CYLD: variants seen among roughly 807,000 people sequenced by gnomAD.
CYLD encodes CYLD lysine 63 deubiquitinase.
CYLD carries 26 observed loss-of-function variants against 104.5 expected under a neutral mutation model. The observed-to-expected ratio is 0.25, with a 90% CI of 0.18 to 0.35. The LOEUF (loss-of-function observed/expected upper bound fraction) is 0.35, where lower values mean the gene tolerates loss of function less well. Ranked by LOEUF, CYLD falls within the 10% of genes least tolerant of loss-of-function variation. The pLI is 1.00. For missense variants in CYLD, 703 were observed against 1,136.1 expected (o/e 0.62, Z 5.48); for synonymous variants, 385 against 399.9 (o/e 0.96, Z 0.45).
At chr16:50,773,798 G>T (rs1290324914) in intron 5 of CYLD, among the ~76,000 whole-genome samples, 3 of 152,168 alleles carry the variant, frequency 2.0e-5, no homozygotes, top group Non-Finnish European at 4.4e-5. Flanking sequence ...TATTTGGTGT[G>T]TAATTGCTGG....
At position 50,797,248 on chromosome 16, in the gene CYLD, T is replaced by G. The variant is rs1230109143; in HGVS notation, c.*740T>G. The G allele has an allele frequency of 4.3e-6, 1 of 232,574 alleles. No homozygotes were observed. The highest frequency in any genetic ancestry group is 8.5e-6 in the Non-Finnish European group (1 of 117,598). 14.4% of individuals were successfully genotyped at this position (232,574 alleles called of 1,614,324 possible). A position where few individuals can be genotyped will look rare whatever the true frequency, so the allele number is the denominator to read the frequency against. On this transcript the variant is annotated 3_prime_UTR_variant, in exon 19 of 19. Transcript: ENST00000427738. ...TAGTAGTTACTGTCAGCTAACAGGT[T>G]TTTTAAGGCTTTTAACTATTAATAT...
intron 18 of CYLD, among the ~76,000 whole-genome samples, chr16:50,795,915 T>C (rs1231762697): frequency 6.6e-6 from 1 of 151,930 alleles, no homozygotes; most frequent in Non-Finnish European, 1.5e-5. Flanking sequence ...TGTAGGGAGC[T>C]ATAATAGCGT....
chr16:50,754,221 CAATGTA>C, intron 4 of CYLD, 92 bp from the exon 5 acceptor site: 1 of 790,384 alleles, frequency 1.3e-6, no homozygotes, highest in South Asian at 1.5e-5. Flanking sequence ...TAACATTTAC[CAATGTA>C]AAATATTTTG....
intron 5 of CYLD, among the ~76,000 whole-genome samples, chr16:50,765,126 G>A (rs965658102): frequency 3.3e-5 from 5 of 151,952 alleles, no homozygotes; most frequent in African/African-American, 1.2e-4. Flanking sequence ...TTTCTTTATT[G>A]TGCTTCACAG....
At chr16:50,765,054 G>C (rs1428908630) in intron 5 of CYLD, among the ~76,000 whole-genome samples, 1 of 152,146 alleles carries the variant, frequency 6.6e-6, no homozygotes, top group Non-Finnish European at 1.5e-5. Flanking sequence ...GAGTAACATG[G>C]CTAAATGTAA....
intron 11 of CYLD, chr16:50,783,950 G>T: frequency 3.6e-6 from 1 of 280,094 alleles, no homozygotes; most frequent in South Asian, 3.7e-5. Context: ...GCTTGCCTCG[G>T]GAAGTCGTTT....
intron 12 of CYLD, 41 bp downstream of exon 12, chr16:50,784,492 T>C (rs759692176): frequency 6.2e-7 from 1 of 1,602,092 alleles, no homozygotes; most frequent in South Asian, 1.1e-5. Flanking sequence ...TTACATGGTG[T>C]TCTATTTGCT....
chr16:50,749,911 A>T lies in CYLD; in HGVS notation c.213A>T (p.Gly71=). ...CAAAAGGCAAGAAAAATCAGATTGG[A>T]TTAAAAATTCTAGAGCAACCTCATG... ...PSAKGKKNQI[G]LKILEQPHAV... The change falls in exon 3 of 19, where the codon GGA becomes GGT. Residue 71 remains glycine, a synonymous_variant. Transcript: ENST00000427738. 1.2e-6 allele frequency: 2 copies of T among 1,614,174 alleles called. No homozygotes were observed. Among genetic ancestry groups the T allele is most frequent in the Non-Finnish European group, 1.7e-6 (2 of 1,180,024 alleles).
intron 7 of CYLD, among the ~76,000 whole-genome samples, chr16:50,777,332 C>T (rs1482983292): frequency 6.6e-6 from 1 of 152,088 alleles, no homozygotes; most frequent in Non-Finnish European, 1.5e-5. Flanking sequence ...TTTTCAAAGA[C>T]ACAAGGAATT....
chr16:50,793,115 TACACAC>T (rs3064638), intron 16 of CYLD, among the ~76,000 whole-genome samples: 10,903 of 145,112 alleles, frequency 0.075, 773 homozygotes, highest in African/African-American at 0.19. Context: ...AGGAGCCATA[TACACAC>T]ACACACACAC....
intron 12 of CYLD, 65 bp downstream of exon 12, chr16:50,784,516 G>A (rs779874762): frequency 7.7e-5 from 117 of 1,515,920 alleles, no homozygotes; most frequent in Non-Finnish European, 1.0e-4. Flanking sequence ...TTCTGGTATA[G>A]TAATTAATTT....
chr16:50,777,518 G>C (rs1969807714), intron 7 of CYLD, among the ~76,000 whole-genome samples: 1 of 152,120 alleles, frequency 6.6e-6, no homozygotes, highest in Non-Finnish European at 1.5e-5. Flanking sequence ...TTAGAAATAA[G>C]CTGTGGTACA....
At position 50,777,834 on chromosome 16, in the gene CYLD, C is replaced by T. The variant is rs749160760; in HGVS notation, c.1031C>T (p.Ser344Leu). Residue 344 changes from serine (S) to leucine (L), a missense_variant, in exon 8 of 19, where the codon TCA (serine) becomes TTA (leucine). By Grantham distance (145) the Ser-to-Leu change is moderately radical. Around this residue, in one of 5 missense-constraint regions of CYLD, gnomAD observed 183 missense variants for 212.1 expected, o/e 0.86. Transcript: ENST00000427738. ...HNKPKATGSTSDPGNRNRSEL... is the reference protein window; with the variant it reads ...HNKPKATGSTLDPGNRNRSEL... ...TTTCTTGTTCCTATAGGATCTACCT[C>T]AGACCCTGGAAATAGAAACAGATCT... is the stretch of plus-strand genomic sequence containing the variant. 1.9e-6 allele frequency: 3 copies of T among 1,578,290 alleles called. No homozygotes were observed. The highest frequency in any genetic ancestry group is 2.6e-6 in the Non-Finnish European group (3 of 1,148,210).
chr16:50,747,915 A>G (rs1046578540), intron 2 of CYLD, among the ~76,000 whole-genome samples: 4 of 152,208 alleles, frequency 2.6e-5, no homozygotes, highest in Non-Finnish European at 5.9e-5. Context: ...GCTAAACCAC[A>G]TGTCTCATGC....
At chr16:50,756,010 T>C (rs117630326) in intron 5 of CYLD, among the ~76,000 whole-genome samples, 1,552 of 152,326 alleles carry the variant, frequency 0.01, 10 homozygotes, top group Middle Eastern at 0.051. Flanking sequence ...ATTTAAGTCT[T>C]TGATCCCTCT....
intron 15 of CYLD, 61 bp downstream of exon 15, chr16:50,791,751 G>A (rs1971455147): frequency 6.5e-7 from 1 of 1,546,822 alleles, no homozygotes; most frequent in Non-Finnish European, 8.9e-7. Flanking sequence ...AAGACTATTG[G>A]TAGTTTCAGT....
rs3743781 is a variant in CYLD, at chr16:50,797,345, A to G, written c.*837A>G. The G allele has an allele frequency of 0.046, 10,800 of 232,386 alleles. 458 individuals carry two copies. Among genetic ancestry groups the G allele is most frequent in the African/African-American group, 0.13 (5,731 of 45,390 alleles). The allele number at this position is 232,386 out of a possible 1,614,324, so 14.4% of individuals were successfully genotyped here. On this transcript the variant is annotated 3_prime_UTR_variant, in exon 19 of 19. Transcript: ENST00000427738. ...ATAGTCCTTTACAAACATACAGTCC[A>G]TAAGAAAATGAATTTGGCATATAGA...
At chr16:50,783,132 A>G (rs1299817321) in intron 11 of CYLD, among the ~76,000 whole-genome samples, 2 of 151,998 alleles carry the variant, frequency 1.3e-5, no homozygotes, top group Admixed American at 1.3e-4. Flanking sequence ...GGGTTTCACC[A>G]CGTTGGCCAG....
chr16:50,785,647 A>G (rs1052055451), intron 12 of CYLD: 5 of 152,154 alleles, frequency 3.3e-5, no homozygotes, highest in African/African-American at 4.8e-5. Context: ...TTTGGATCCT[A>G]TTGTTCAGCC....
Sources: allele counts gnomAD v4.1 joint callset (sites outside exome capture counted in the v4.1 genomes callset), GRCh38; gene constraint gnomAD v4.1.1; regional missense constraint gnomAD v4.1.1; transcripts MANE v1.5; gene names NCBI Gene and HGNC (gene_info 2026-07-23, HGNC 2026-07-21).